Variants in ST3GAL5 observed in about 807,000 individuals in gnomAD.
The protein encoded by ST3GAL5 is lactosylceramide alpha-2,3-sialyltransferase.
ST3GAL5 carries 25 observed loss-of-function variants against 46.1 expected under a neutral mutation model. The ratio of observed to expected loss-of-function variants is 0.54; its 90% CI spans 0.40 to 0.76. The LOEUF is 0.76. ST3GAL5 is among the 30% of genes least tolerant of loss of function. The probability of loss-of-function intolerance (pLI) is 0.00; values close to 1 mark genes in which losing one functional copy is unlikely to be tolerated. For missense variants in ST3GAL5, 431 were observed against 521.2 expected, an observed-to-expected ratio of 0.83 and a Z score of 1.69; for synonymous variants, 182 against 192.7, an observed-to-expected ratio of 0.94 and a Z score of 0.46.
chr2:85,871,226 C>T (rs1403658529), intron 1 of ST3GAL5, among the ~76,000 whole-genome samples: 3 of 152,026 alleles, frequency 2.0e-5, no homozygotes, highest in South Asian at 2.1e-4. Context: ...TTAGTAGAGA[C>T]GAGGTCTCAC....
chr2:85,851,637 C>T, intron 3 of ST3GAL5: 1 of 1,289,484 alleles, frequency 7.8e-7, no homozygotes, highest in South Asian at 1.2e-5. Context: ...TCTTCCCCCT[C>T]CACTGCTTGC....
chr2:85,844,855 G>A, intron 5 of ST3GAL5: 1 of 443,586 alleles, frequency 2.3e-6, no homozygotes, highest in Non-Finnish European at 4.2e-6. Flanking sequence ...TTTGTCTAGG[G>A]AAGCCCAAGT....
chr2:85,864,922 C>T (rs1016807128), intron 1 of ST3GAL5, among the ~76,000 whole-genome samples: 1 of 152,154 alleles, frequency 6.6e-6, no homozygotes, highest in African/African-American at 2.4e-5. Flanking sequence ...AGGTGCTTCC[C>T]TTGGCATACT....
At chr2:85,881,305 C>A (rs1299228516) in intron 1 of ST3GAL5, among the ~76,000 whole-genome samples, 1 of 152,136 alleles carries the variant, frequency 6.6e-6, no homozygotes, top group Non-Finnish European at 1.5e-5. Flanking sequence ...TGGACTAATA[C>A]AGTAAATTGG....
chr2:85,863,290 C>A, intron 2 of ST3GAL5, 72 bp downstream of exon 2: 1 of 1,610,482 alleles, frequency 6.2e-7, no homozygotes, highest in Non-Finnish European at 8.5e-7. Context: ...AGGGCTCTCA[C>A]TGAATTTTTC....
At chr2:85,880,114 T>G (rs78884345) in intron 1 of ST3GAL5, among the ~76,000 whole-genome samples, 2 of 152,006 alleles carry the variant, frequency 1.3e-5, no homozygotes, top group African/African-American at 4.8e-5. Flanking sequence ...AGAGGAGTCA[T>G]AGAAAGCCCC....
At chr2:85,844,826 A>G (rs577075548) in intron 5 of ST3GAL5, 5 of 506,300 alleles carry the variant, frequency 9.9e-6, no homozygotes, top group African/African-American at 5.8e-5. Flanking sequence ...ACATTCCTCA[A>G]TGGTGCTAAC....
At chr2:85,871,998 A>T (rs1685978737) in intron 1 of ST3GAL5, among the ~76,000 whole-genome samples, 1 of 152,138 alleles carries the variant, frequency 6.6e-6, no homozygotes, top group African/African-American at 2.4e-5. Flanking sequence ...GAGCAGAAGG[A>T]CTTCCCAGCA....
chr2:85,889,002 C>A, upstream of ST3GAL5: 1 of 957,966 alleles, frequency 1.0e-6, no homozygotes. Context: ...GGGGCCGCCG[C>A]TCCCCCGCTC....
In ST3GAL5 at chr2:85,840,399, A is replaced by C. The variant is rs745988252; in HGVS notation, c.1009-7T>G. The C allele has an allele frequency of 1.2e-5, 20 of 1,614,070 alleles. 1 individual carries two copies. The South Asian group carries it at 2.1e-4, about 17-fold the overall frequency. On this transcript the variant is annotated splice_polypyrimidine_tract_variant and splice_region_variant and intron_variant, in intron 6 of 6. Coordinates refer to ENST00000638572, the MANE Select transcript of ST3GAL5 (RefSeq NM_003896.4). ...CACCGATTGTGGGGACGTTCTGAGAAAGGGAAAAGAAGACCAAAAAGTAAA... is the reference window on the plus strand; with the variant it reads ...CACCGATTGTGGGGACGTTCTGAGACAGGGAAAAGAAGACCAAAAAGTAAA...
chr2:85,851,256 G>C (rs1214229815), intron 3 of ST3GAL5: 14 of 1,097,354 alleles, frequency 1.3e-5, no homozygotes, highest in Admixed American at 4.1e-5. Context: ...ACATTTCTCA[G>C]TAGTCACCTT....
At chr2:85,878,452 C>G (rs766746450) in intron 1 of ST3GAL5, among the ~76,000 whole-genome samples, 2 of 152,136 alleles carry the variant, frequency 1.3e-5, no homozygotes, top group Non-Finnish European at 2.9e-5. Flanking sequence ...CAAAAAAGAA[C>G]AGATTTTTCT....
chr2:85,876,531 T>G (rs948156808), intron 1 of ST3GAL5, among the ~76,000 whole-genome samples: 3 of 150,220 alleles, frequency 2.0e-5, no homozygotes, highest in Non-Finnish European at 4.4e-5. Context: ...TGGCATGATC[T>G]CGGCGCCGCA....
intron 1 of ST3GAL5, among the ~76,000 whole-genome samples, chr2:85,872,273 G>C (rs1193145082): frequency 1.3e-5 from 2 of 152,126 alleles, no homozygotes; most frequent in Non-Finnish European, 2.9e-5. Flanking sequence ...AAATAGGAAT[G>C]GAAGTCAATT....
chr2:85,846,376 C>G lies in ST3GAL5; in HGVS notation c.849+1G>C. On this transcript the variant is annotated splice_donor_variant, in intron 5 of 6. Coordinates refer to ENST00000638572, the MANE Select transcript of ST3GAL5 (RefSeq NM_003896.4). LOFTEE classifies it high-confidence loss of function. Reference sequence around the variant, plus strand: ...GATTTAATAGAAGTATTAGTGCTTACCAGGGTTTCCTTTTTTACCATTGCT... The same window carrying G: ...GATTTAATAGAAGTATTAGTGCTTAGCAGGGTTTCCTTTTTTACCATTGCT... 1 of 1,613,744 alleles carries G rather than the reference C, an allele frequency of 6.2e-7. No individual in the cohort carries two copies. Among genetic ancestry groups the G allele is most frequent in the Non-Finnish European group, 8.5e-7 (1 of 1,179,820 alleles).
intron 3 of ST3GAL5, among the ~76,000 whole-genome samples, chr2:85,859,201 T>C (rs1448231528): frequency 6.6e-6 from 1 of 152,146 alleles, no homozygotes; most frequent in Non-Finnish European, 1.5e-5. Context: ...ACCCAGACTT[T>C]AGAACAATCA....
intron 1 of ST3GAL5, among the ~76,000 whole-genome samples, chr2:85,871,098 T>C (rs1685876336): frequency 6.6e-6 from 1 of 150,494 alleles, no homozygotes; most frequent in Non-Finnish European, 1.5e-5. Context: ...AGTGCAGTGG[T>C]GCAATCATGG....
chr2:85,869,386 CTTT>C (rs34172834), intron 1 of ST3GAL5, among the ~76,000 whole-genome samples: 3 of 145,872 alleles, frequency 2.1e-5, no homozygotes. Flanking sequence ...TTTTGCATTC[CTTT>C]TTTTTTTTTT....
At chr2:85,857,463 G>A (rs1306891118) in intron 3 of ST3GAL5, among the ~76,000 whole-genome samples, 2 of 151,634 alleles carry the variant, frequency 1.3e-5, no homozygotes, top group Non-Finnish European at 2.9e-5. Context: ...CTTGAACCCA[G>A]GAGGTGGAGG....
Sources: allele counts gnomAD v4.1 joint callset (sites outside exome capture counted in the v4.1 genomes callset), GRCh38; gene constraint gnomAD v4.1.1; transcripts MANE v1.5; gene names NCBI Gene and HGNC (gene_info 2026-07-23, HGNC 2026-07-21).